The following LDLRAD4 variants were observed in gnomAD, a reference collection of about 807,000 sequenced individuals.
LDLRAD4 encodes the protein low-density lipoprotein receptor class A domain-containing protein 4.
In LDLRAD4, 5 loss-of-function variants were observed where a neutral mutation model predicts 17.0. That is an observed-to-expected ratio of 0.29 (90% confidence interval 0.15 to 0.62). The LOEUF is 0.62. Among genes scored for constraint, LDLRAD4 ranks in the 20% least tolerant of loss-of-function variants. The pLI is 0.84. For synonymous variants in LDLRAD4, 168 were observed against 171.8 expected (o/e 0.98, Z 0.17); for missense variants, 340 against 424.7 (o/e 0.80, Z 1.75).
At chr18:13,642,915 TTATC>T (rs1229150651) in intron 4 of LDLRAD4, among the ~76,000 whole-genome samples, 2 of 145,358 alleles carry the variant, frequency 1.4e-5, no homozygotes, top group Admixed American at 6.8e-5. Context: ...GTTTGTTTGT[TTATC>T]TATTTTTTGT....
At chr18:13,223,421 G>A (rs2041574904) in intron 1 of LDLRAD4, among the ~76,000 whole-genome samples, 1 of 152,220 alleles carries the variant, frequency 6.6e-6, no homozygotes, top group Non-Finnish European at 1.5e-5. Flanking sequence ...ATGGCAGGCA[G>A]GCTTTTTGCC....
At chr18:13,548,812 C>T (rs1316301075) in intron 3 of LDLRAD4, among the ~76,000 whole-genome samples, 3 of 152,224 alleles carry the variant, frequency 2.0e-5, no homozygotes, top group African/African-American at 7.2e-5. Flanking sequence ...AGCACACGGC[C>T]CCACCCATGC....
At chr18:13,491,543 A>T (rs1467699021) in intron 3 of LDLRAD4, 3 of 152,240 alleles carry the variant, frequency 2.0e-5, no homozygotes, top group African/African-American at 7.2e-5. Context: ...GGCGCCAGTG[A>T]ATCTAGTTTC....
intron 3 of LDLRAD4, chr18:13,611,793 G>A: frequency 3.0e-6 from 3 of 985,606 alleles, no homozygotes; most frequent in Non-Finnish European, 3.6e-6. Context: ...AGAGCGAGCC[G>A]GGGGGAAAGG....
chr18:13,453,233 C>T (rs992320083), intron 3 of LDLRAD4, among the ~76,000 whole-genome samples: 1 of 152,018 alleles, frequency 6.6e-6, no homozygotes, highest in African/African-American at 2.4e-5. Context: ...CACGTGCTCG[C>T]GTTTTGGAAA....
intron 3 of LDLRAD4, among the ~76,000 whole-genome samples, chr18:13,609,530 C>CGTATGTGT (rs954341831): frequency 1.4e-4 from 21 of 149,556 alleles, no homozygotes; most frequent in African/African-American, 5.2e-4. Context: ...TGTGTGTGTG[C>CGTATGTGT]GTGTGTGTGT....
In LDLRAD4 at chr18:13,557,456, A is replaced by G. The variant is rs1213163043; in HGVS notation, c.182-63661A>G. On this transcript the variant is annotated intron_variant, in intron 3 of 5. Coordinates refer to ENST00000359446, the Ensembl canonical transcript of LDLRAD4. ...CGCTCTTTCGCCCAAGCTGGGGCGC[A>G]GTGATGCGGTCTTGGCTCACTGCAA... Among the ~76,000 whole-genome samples the G allele has an allele frequency of 5.9e-5, 9 of 152,246 alleles. No individual in the cohort carries two copies. In the East Asian group the frequency reaches 1.7e-3, roughly 29 times the overall value.
intron 3 of LDLRAD4, among the ~76,000 whole-genome samples, chr18:13,476,975 T>G (rs1189522930): frequency 2.6e-5 from 4 of 152,256 alleles, no homozygotes; most frequent in African/African-American, 9.6e-5. Flanking sequence ...TTTCTTATCC[T>G]TTTTGATGTC....
intron 3 of LDLRAD4, among the ~76,000 whole-genome samples, chr18:13,587,228 C>G (rs1441690946): frequency 6.6e-6 from 1 of 152,092 alleles, no homozygotes; most frequent in African/African-American, 2.4e-5. Flanking sequence ...TAACAGGTTC[C>G]CAGGTGATGC....
intron 1 of LDLRAD4, among the ~76,000 whole-genome samples, chr18:13,307,973 C>G (rs1395881376): frequency 6.6e-6 from 1 of 152,200 alleles, no homozygotes. Context: ...GAAATAAAAT[C>G]AATTATCAAA....
intron 1 of LDLRAD4, among the ~76,000 whole-genome samples, chr18:13,381,852 C>T (rs564021534): frequency 3.3e-5 from 5 of 152,334 alleles, no homozygotes; most frequent in East Asian, 3.9e-4. Flanking sequence ...TGAGCTGTGC[C>T]GTGCAGCTCT....
intron 3 of LDLRAD4, among the ~76,000 whole-genome samples, chr18:13,608,313 C>T (rs945383297): frequency 1.3e-5 from 2 of 150,950 alleles, no homozygotes; most frequent in East Asian, 3.9e-4. Flanking sequence ...GTGAAGCACC[C>T]GCGGTGGGGC....
intron 3 of LDLRAD4, chr18:13,611,937 G>A (rs2039603815): frequency 7.1e-6 from 7 of 985,482 alleles, no homozygotes; most frequent in Non-Finnish European, 8.4e-6. Context: ...ACAGCCCGCA[G>A]CCTGGCTCGC....
chr18:13,573,100 TTTTTA>T (rs1178774096), intron 3 of LDLRAD4, among the ~76,000 whole-genome samples: 146 of 152,330 alleles, frequency 9.6e-4, no homozygotes, highest in African/African-American at 3.3e-3. Context: ...TTTATTTTTA[TTTTTA>T]TTTTATTTTA....
chr18:13,617,224 G>A (rs1487570249), intron 3 of LDLRAD4, among the ~76,000 whole-genome samples: 2 of 152,026 alleles, frequency 1.3e-5, no homozygotes, highest in African/African-American at 4.8e-5. Flanking sequence ...AGGCACGCCT[G>A]GCCTGGAGTT....
At chr18:13,652,671 G>C (rs2043296894) in exon 6 of LDLRAD4, 1 of 152,634 alleles carries the variant, frequency 6.6e-6, no homozygotes, top group African/African-American at 2.4e-5. Flanking sequence ...CTGTTTGTTA[G>C]TTATGAAATC....
chr18:13,400,786 G>A (rs1337833765), intron 2 of LDLRAD4, among the ~76,000 whole-genome samples: 1 of 152,090 alleles, frequency 6.6e-6, no homozygotes, highest in African/African-American at 2.4e-5. Context: ...GTTCACTTAC[G>A]GGCCATGAGG....
intron 3 of LDLRAD4, chr18:13,611,540 A>G (rs1188935533): frequency 7.8e-5 from 77 of 985,284 alleles, no homozygotes; most frequent in Non-Finnish European, 9.3e-5. Context: ...CCTCGGGGAA[A>G]AGAGACTGTG....
chr18:13,634,934 T>A (rs1276555819), intron 4 of LDLRAD4, among the ~76,000 whole-genome samples: 1 of 152,050 alleles, frequency 6.6e-6, no homozygotes, highest in Non-Finnish European at 1.5e-5. Flanking sequence ...CCCTCAAATA[T>A]ATGGTCAAGT....
Sources: gnomAD v4.1 joint callset for allele counts (sites outside exome capture counted in the v4.1 genomes callset) on GRCh38, gnomAD v4.1.1 for gene constraint, MANE v1.5 for transcripts, NCBI Gene and HGNC (gene_info 2026-07-23, HGNC 2026-07-21) for gene names.